SLCO2A1: variants seen among roughly 807,000 people sequenced by gnomAD.
SLCO2A1 encodes the protein solute carrier organic anion transporter family member 2A1.
A neutral mutation model predicts 71.7 loss-of-function variants in SLCO2A1; 60 were observed. The ratio of observed to expected loss-of-function variants is 0.84; its 90% CI spans 0.68 to 1.04. The LOEUF (loss-of-function observed/expected upper bound fraction) is 1.04, where lower values mean the gene tolerates loss of function less well. SLCO2A1 is among the 50% of genes least tolerant of loss of function. The pLI is 0.00. For missense variants in SLCO2A1, 745 were observed against 813.4 expected (o/e 0.92, Z 1.02); for synonymous variants, 308 against 326.7 (o/e 0.94, Z 0.62).
intron 1 of SLCO2A1, among the ~76,000 whole-genome samples, chr3:134,004,357 G>A (rs1027312432): frequency 1.3e-5 from 2 of 152,094 alleles, no homozygotes; most frequent in South Asian, 2.1e-4. Flanking sequence ...TGTTTTAGAC[G>A]GAGTTTTGCT....
chr3:133,947,569 A>T lies in SLCO2A1; in HGVS notation c.1106-124T>A, dbSNP rs1933619401. On this transcript the variant is annotated intron_variant, in intron 8 of 13. Coordinates refer to ENST00000310926, the MANE Select transcript of SLCO2A1 (RefSeq NM_005630.3). ...CAGGAAGGAACATTTGGTATGTTAAATTGTAATCGAAGTAGCTGACATTAA... is the reference window on the plus strand; with the variant it reads ...CAGGAAGGAACATTTGGTATGTTAATTTGTAATCGAAGTAGCTGACATTAA... The T allele has an allele frequency of 1.7e-5, 13 of 786,696 alleles. 1 individual carries two copies. The highest frequency in any genetic ancestry group is 7.6e-4 in the Middle Eastern group (2 of 2,640). 48.7% of individuals were successfully genotyped at this position (786,696 alleles called of 1,614,324 possible).
rs141810118 is a variant in SLCO2A1, at chr3:134,024,257, G to A, written c.96+5450C>T. 2.7e-3 allele frequency among the ~76,000 whole-genome samples: 417 copies of A among 152,308 alleles called. 6 individuals carry two copies. The highest frequency in any genetic ancestry group is 9.3e-3 in the African/African-American group (388 of 41,558). ...GGAGAAAAATAAGACATCGTAAAGC[G>A]AGAGAAGCCCCTTATAGGTCTTTCG... On this transcript the variant is annotated intron_variant, in intron 1 of 13. Coordinates refer to ENST00000310926, the MANE Select transcript of SLCO2A1 (RefSeq NM_005630.3).
chr3:133,949,760 A>C (rs1933690295), intron 6 of SLCO2A1, among the ~76,000 whole-genome samples: 1 of 152,218 alleles, frequency 6.6e-6, no homozygotes, highest in South Asian at 2.1e-4. Context: ...GAGCACTGTA[A>C]AGAAGAGGAA....
rs150345667 is a variant in SLCO2A1 at position 133,945,171 on chromosome 3, T to C, written c.1385A>G (p.Asn462Ser). The C allele has an allele frequency of 1.9e-3, 3,115 of 1,613,998 alleles. 7 individuals carry two copies. The highest frequency in any genetic ancestry group is 2.4e-3 in the Non-Finnish European group (2,783 of 1,180,000). Residue 462 changes from asparagine to serine, a missense_variant, in exon 10 of 14, where the codon AAT (asparagine) becomes AGT (serine). Coordinates refer to ENST00000310926, the MANE Select transcript of SLCO2A1 (RefSeq NM_005630.3). ...DSIFHPVCGDNGIEYLSPCHA... is the reference protein window; with the variant it reads ...DSIFHPVCGDSGIEYLSPCHA... ...GCAAGGGGAGAGGTACTCGATTCCA[T>C]TGTCTCCACAGACCGGGTGGAAGAT...
rs1934659267 is a variant in SLCO2A1, at chr3:133,984,286, T to C, written c.97-4668A>G. On this transcript the variant is annotated intron_variant, in intron 1 of 13. Coordinates refer to ENST00000310926, the MANE Select transcript of SLCO2A1 (RefSeq NM_005630.3). Reference sequence around the variant, plus strand: ...CTGGGTGAAAGACTCTAGCCAGAGCTGGCTCCTTTCCACATCCCCCACCCC... The same window carrying C: ...CTGGGTGAAAGACTCTAGCCAGAGCCGGCTCCTTTCCACATCCCCCACCCC... Among the ~76,000 whole-genome samples, 5 of 152,326 alleles carry C rather than the reference T, an allele frequency of 3.3e-5. 1 individual carries two copies. The South Asian group carries it at 1.0e-3, about 32-fold the overall frequency.
intron 2 of SLCO2A1, among the ~76,000 whole-genome samples, chr3:133,977,369 A>T (rs1254727077): frequency 2.0e-5 from 3 of 152,202 alleles, no homozygotes; most frequent in African/African-American, 7.2e-5. Context: ...TTCATTGCCT[A>T]ATCAACCTCC....
intron 8 of SLCO2A1, 87 bp from the exon 9 acceptor site, chr3:133,947,532 G>C: frequency 8.8e-7 from 1 of 1,137,718 alleles, no homozygotes; most frequent in Non-Finnish European, 1.2e-6. Context: ...CACTGAGAAG[G>C]AAGCATGGCT....
chr3:134,023,543 A>G (rs1935639102), intron 1 of SLCO2A1, among the ~76,000 whole-genome samples: 1 of 152,162 alleles, frequency 6.6e-6, no homozygotes, highest in African/African-American at 2.4e-5. Context: ...TTGCCCCCCG[A>G]TGTAGAGCTT....
chr3:133,984,619 T>C (rs1934668566), intron 1 of SLCO2A1, among the ~76,000 whole-genome samples: 1 of 152,156 alleles, frequency 6.6e-6, no homozygotes, highest in African/African-American at 2.4e-5. Context: ...ACCTCCTATA[T>C]GGCCAGCATG....
intron 9 of SLCO2A1, 73 bp downstream of exon 9, chr3:133,947,183 G>A (rs901128518): frequency 2.3e-6 from 3 of 1,286,308 alleles, no homozygotes; most frequent in Middle Eastern, 2.0e-4. Context: ...GAAGCAGGAA[G>A]GAAGATGTAT....
At chr3:133,937,271 T>A (rs943214192) in intron 12 of SLCO2A1, among the ~76,000 whole-genome samples, 10 of 152,204 alleles carry the variant, frequency 6.6e-5, no homozygotes, top group African/African-American at 2.4e-4. Flanking sequence ...TAAGGAGCTC[T>A]GATGACAGCA....
intron 3 of SLCO2A1, among the ~76,000 whole-genome samples, chr3:133,967,210 G>A (rs1041899065): frequency 1.3e-5 from 2 of 152,236 alleles, no homozygotes; most frequent in Non-Finnish European, 2.9e-5. Flanking sequence ...GCATGCCTGA[G>A]GGTCCACACT....
chr3:133,953,198 G>A (rs915909205), intron 5 of SLCO2A1, among the ~76,000 whole-genome samples: 4 of 151,996 alleles, frequency 2.6e-5, no homozygotes, highest in South Asian at 4.2e-4. Flanking sequence ...CACCACGCCC[G>A]GCTAATTTTT....
chr3:133,988,026 A>C (rs1934755420), intron 1 of SLCO2A1, among the ~76,000 whole-genome samples: 1 of 152,228 alleles, frequency 6.6e-6, no homozygotes, highest in African/African-American at 2.4e-5. Flanking sequence ...CTGAGTGTAA[A>C]CCAAAAAGAA....
chr3:134,010,681 G>A (rs1465720196), intron 1 of SLCO2A1, among the ~76,000 whole-genome samples: 3 of 151,324 alleles, frequency 2.0e-5, no homozygotes, highest in East Asian at 1.9e-4. Flanking sequence ...TTGAACCTGG[G>A]AGGCAGAGGT....
At chr3:133,999,350 G>A (rs1184914772) in intron 1 of SLCO2A1, among the ~76,000 whole-genome samples, 1 of 152,210 alleles carries the variant, frequency 6.6e-6, no homozygotes, top group African/African-American at 2.4e-5. Context: ...TTTTATCAGG[G>A]GCTGTGTGTG....
chr3:133,967,356 G>A (rs564392637), intron 3 of SLCO2A1, among the ~76,000 whole-genome samples: 3 of 152,250 alleles, frequency 2.0e-5, no homozygotes, highest in South Asian at 2.1e-4. Flanking sequence ...TTTATGTCAC[G>A]GCTCAGGCTC....
chr3:133,938,369 G>T, intron 12 of SLCO2A1, 60 bp downstream of exon 12: 1 of 1,418,814 alleles, frequency 7.0e-7, no homozygotes, highest in Non-Finnish European at 1.0e-6. Context: ...TGCACCCATA[G>T]CCTTCAGATG....
intron 2 of SLCO2A1, among the ~76,000 whole-genome samples, chr3:133,977,945 C>T (rs1007688813): frequency 6.6e-6 from 1 of 152,082 alleles, no homozygotes; most frequent in Non-Finnish European, 1.5e-5. Flanking sequence ...GACACAGGCA[C>T]ACACACAGAC....
Sources: allele counts gnomAD v4.1 joint callset (sites outside exome capture counted in the v4.1 genomes callset), GRCh38; gene constraint gnomAD v4.1.1; transcripts MANE v1.5; gene names NCBI Gene and HGNC (gene_info 2026-07-23, HGNC 2026-07-21).